Variants in PAPPA observed in about 807,000 individuals in gnomAD.
PAPPA encodes the protein pappalysin-1.
PAPPA carries 60 observed loss-of-function variants against 164.0 expected under a neutral mutation model. The ratio of observed to expected loss-of-function variants is 0.37; its 90% confidence interval spans 0.30 to 0.45. The LOEUF (loss-of-function observed/expected upper bound fraction) is 0.45, where lower values mean the gene tolerates loss of function less well. Among genes scored for constraint, PAPPA ranks in the 20% least tolerant of loss-of-function variants. The probability of loss-of-function intolerance (pLI) is 1.00; values close to 1 mark genes in which losing one functional copy is unlikely to be tolerated. For missense variants in PAPPA, 1,782 were observed against 2,087.3 expected, an observed-to-expected ratio of 0.85 and a Z score of 2.85; for synonymous variants, 875 against 814.1, an observed-to-expected ratio of 1.07 and a Z score of -1.27.
At chr9:116,231,169 C>T (rs139678517) in intron 6 of PAPPA, among the ~76,000 whole-genome samples, 118 of 152,098 alleles carry the variant, frequency 7.8e-4, no homozygotes, top group African/African-American at 2.7e-3. Context: ...TGTCTATACA[C>T]ATATATGACC....
chr9:116,228,229 A>G (rs1022739422), intron 6 of PAPPA, among the ~76,000 whole-genome samples: 2 of 152,122 alleles, frequency 1.3e-5, no homozygotes, highest in African/African-American at 4.8e-5. Context: ...TTGTTGTCAC[A>G]CTTTGTCACT....
chr9:116,358,527 C>T (rs2118614406), intron 17 of PAPPA, among the ~76,000 whole-genome samples: 1 of 152,318 alleles, frequency 6.6e-6, no homozygotes, highest in South Asian at 2.1e-4. Context: ...CTGGTTTGCC[C>T]TGTTTTATAC....
rs144065173 is a variant in PAPPA, at chr9:116,235,441, G to A, written c.2536G>A (p.Val846Met). The A allele has an allele frequency of 4.9e-4, 786 of 1,613,374 alleles. 11 individuals carry two copies. The South Asian group carries it at 7.3e-3, about 15-fold the overall frequency. Residue 846 changes from valine (V) to methionine (M), a missense_variant, in exon 7 of 22, where the codon GTG becomes ATG. Physicochemically the swap from Val to Met is conservative, Grantham distance 21. Coordinates refer to ENST00000328252, the MANE Select transcript of PAPPA (RefSeq NM_002581.5). ...DVPLTIRLWD[V>M]GEEVYGIQIY... The stretch of plus-strand genomic sequence containing the variant: ...CCCACTGACCATCAGACTCTGGGAC[G>A]TGGGCGAGGAGGTGTATGGCATCCA...
At chr9:116,265,364 T>G (rs973306733) in intron 7 of PAPPA, among the ~76,000 whole-genome samples, 1 of 152,196 alleles carries the variant, frequency 6.6e-6, no homozygotes, top group Non-Finnish European at 1.5e-5. Context: ...AGAGAGCCAC[T>G]GTACACACAG....
intron 2 of PAPPA, 41 bp downstream of exon 2, chr9:116,188,257 A>T (rs776756480): frequency 6.9e-7 from 1 of 1,454,954 alleles, no homozygotes; most frequent in Admixed American, 1.8e-5. Flanking sequence ...TTGAAAGTTG[A>T]ACTTGATGTC....
chr9:116,393,606 A>C (rs1846922723), intron 21 of PAPPA, among the ~76,000 whole-genome samples: 1 of 152,180 alleles, frequency 6.6e-6, no homozygotes, highest in Admixed American at 6.5e-5. Context: ...TTGGTGCAAA[A>C]GTAATTGCCG....
intron 10 of PAPPA, 36 bp downstream of exon 10, chr9:116,302,986 C>CTT (rs1564217106): frequency 6.3e-7 from 1 of 1,580,608 alleles, no homozygotes; most frequent in East Asian, 2.2e-5. Flanking sequence ...TTCCTGCAGA[C>CTT]ATTCAAAGTC....
At chr9:116,250,924 T>G (rs1844853169) in intron 7 of PAPPA, among the ~76,000 whole-genome samples, 1 of 152,210 alleles carries the variant, frequency 6.6e-6, no homozygotes. Context: ...TAGAGAAGTC[T>G]CCCTTGTTTG....
intron 16 of PAPPA, 92 bp from the exon 17 acceptor site, chr9:116,353,530 G>A (rs1318873659): frequency 1.2e-5 from 14 of 1,168,424 alleles, no homozygotes; most frequent in Non-Finnish European, 1.6e-5. Context: ...CTAGGAAATA[G>A]GAAATGGGGG....
intron 9 of PAPPA, among the ~76,000 whole-genome samples, chr9:116,297,092 T>G (rs1845518947): frequency 6.6e-6 from 1 of 152,152 alleles, no homozygotes; most frequent in Non-Finnish European, 1.5e-5. Context: ...TGACCTCGGA[T>G]GATCTGCCTG....
intron 2 of PAPPA, among the ~76,000 whole-genome samples, chr9:116,202,728 G>T (rs1056067345): frequency 1.3e-5 from 2 of 152,134 alleles, no homozygotes; most frequent in Non-Finnish European, 2.9e-5. Flanking sequence ...AAGGGGAGGG[G>T]TGTGGAGGAG....
intron 1 of PAPPA, among the ~76,000 whole-genome samples, chr9:116,159,633 G>A (rs923869859): frequency 6.6e-6 from 1 of 152,102 alleles, no homozygotes; most frequent in Non-Finnish European, 1.5e-5. Context: ...ATCTACTGTC[G>A]GCCTCTTGCT....
chr9:116,285,924 TC>T (rs1218356998), intron 9 of PAPPA: 2 of 152,220 alleles, frequency 1.3e-5, no homozygotes, highest in African/African-American at 4.8e-5. Context: ...TAGGAGACTT[TC>T]CCCCTTAGCT....
chr9:116,327,891 C>T (rs545573714), intron 10 of PAPPA, among the ~76,000 whole-genome samples: 1 of 152,224 alleles, frequency 6.6e-6, no homozygotes, highest in Non-Finnish European at 1.5e-5. Context: ...GGCAAAGTTT[C>T]AGCTGGATTT....
At chr9:116,363,238 G>A (rs907840572) in intron 18 of PAPPA, among the ~76,000 whole-genome samples, 3 of 152,124 alleles carry the variant, frequency 2.0e-5, no homozygotes, top group Non-Finnish European at 2.9e-5. Context: ...GCACTTGAAA[G>A]GCATTATATC....
At chr9:116,341,445 G>T (rs984990489) in intron 13 of PAPPA, among the ~76,000 whole-genome samples, 9 of 152,064 alleles carry the variant, frequency 5.9e-5, no homozygotes, top group African/African-American at 2.2e-4. Context: ...TTATACCTCT[G>T]CCCCAAACCT....
chr9:116,323,643 T>C (rs1845887244), intron 10 of PAPPA, among the ~76,000 whole-genome samples: 1 of 152,124 alleles, frequency 6.6e-6, no homozygotes, highest in Non-Finnish European at 1.5e-5. Context: ...CCCAAAAAGG[T>C]GTCTTGGAAA....
rs1847027074 is a variant in PAPPA at position 116,400,061 on chromosome 9, T to C, written c.*3445T>C. On this transcript the variant is annotated 3_prime_UTR_variant, in exon 22 of 22. Transcript: ENST00000328252. ...AGAAAGAAAGAAAGAGAAAGGAAAT[T>C]ATAAGGTCAAGTTAACAGTTTTGAG... 1 of 152,438 alleles carries C rather than the reference T, an allele frequency of 6.6e-6. No homozygotes were observed. Among genetic ancestry groups the C allele is most frequent in the South Asian group, 2.1e-4 (1 of 4,830 alleles). The allele number at this position is 152,438 out of a possible 1,614,324, so 9.4% of individuals were successfully genotyped here. A position where few individuals can be genotyped will look rare whatever the true frequency, so the allele number is the denominator to read the frequency against.
At position 116,187,831 on chromosome 9, in the gene PAPPA, C is replaced by T. The variant is rs144864748; in HGVS notation, c.1093C>T (p.His365Tyr). Residue 365 changes from histidine (H) to tyrosine (Y), a missense_variant, in exon 2 of 22, where the codon CAT (histidine) becomes TAT (tyrosine). Around this residue, in one of 2 missense-constraint regions of PAPPA, gnomAD observed 1,324 missense variants for 1,656.9 expected, o/e 0.80. Transcript: ENST00000328252. This position sits in a 1 kb window ranked among gnomAD's most constrained non-coding sequence, Gnocchi z 4.2. ...YRVVNLYEDDHKNPTVTREQV... is the reference protein window; with the variant it reads ...YRVVNLYEDDYKNPTVTREQV... ...CGTGGTCAACCTCTATGAAGATGAT[C>T]ATAAGAACCCGACGGTGACGCGCGA... The T allele has an allele frequency of 3.1e-6, 5 of 1,614,230 alleles. No individual in the cohort carries two copies. In the South Asian group the frequency reaches 5.5e-5, roughly 18 times the overall value.
Sources: allele counts gnomAD v4.1 joint callset (sites outside exome capture counted in the v4.1 genomes callset), GRCh38; gene constraint gnomAD v4.1.1; regional missense constraint gnomAD v4.1.1; non-coding constraint Gnocchi (gnomAD v3.1); transcripts MANE v1.5; gene names NCBI Gene and HGNC (gene_info 2026-07-23, HGNC 2026-07-21).